The following MAP2 variants were observed in gnomAD, a reference collection of about 807,000 sequenced individuals.
The protein encoded by MAP2 is microtubule-associated protein 2.
In MAP2, 14 loss-of-function variants were observed where a neutral mutation model predicts 137.6. The observed-to-expected ratio is 0.10, with a 90% confidence interval of 0.07 to 0.16. The LOEUF (loss-of-function observed/expected upper bound fraction) is 0.16, where lower values mean the gene tolerates loss of function less well. MAP2 is among the 10% of genes least tolerant of loss of function. The pLI is 1.00. For synonymous variants in MAP2, 786 were observed against 782.3 expected, an observed-to-expected ratio of 1.00 and a Z score of -0.08; for missense variants, 2,088 against 2,191.5, an observed-to-expected ratio of 0.95 and a Z score of 0.94.
At chr2:209,556,024 C>CTTTTT (rs34673279) in intron 2 of MAP2, among the ~76,000 whole-genome samples, 6 of 134,192 alleles carry the variant, frequency 4.5e-5, no homozygotes, top group Non-Finnish European at 7.7e-5. Flanking sequence ...GGCATTCTTT[C>CTTTTT]TTTTTTTTTT....
At chr2:209,663,204 C>G (rs934152627) in intron 5 of MAP2, among the ~76,000 whole-genome samples, 2 of 152,132 alleles carry the variant, frequency 1.3e-5, no homozygotes, top group African/African-American at 2.4e-5. Context: ...TTCTCTTCCT[C>G]TCATTCCCTC....
At chr2:209,623,927 A>G (rs991407269) in intron 3 of MAP2, among the ~76,000 whole-genome samples, 1 of 152,164 alleles carries the variant, frequency 6.6e-6, no homozygotes, top group African/African-American at 2.4e-5. Flanking sequence ...TACTAATAGG[A>G]CTTGTTTGCT....
intron 1 of MAP2, among the ~76,000 whole-genome samples, chr2:209,493,983 T>C (rs1349073406): frequency 6.6e-6 from 1 of 152,124 alleles, no homozygotes; most frequent in Non-Finnish European, 1.5e-5. Flanking sequence ...CACATGCACT[T>C]GTATGTTTAT....
intron 2 of MAP2, among the ~76,000 whole-genome samples, chr2:209,560,162 G>A (rs557494511): frequency 6.6e-6 from 1 of 152,268 alleles, no homozygotes; most frequent in Admixed American, 6.5e-5. Flanking sequence ...ACAGATGAAA[G>A]GCTATGGATT....
intron 13 of MAP2, among the ~76,000 whole-genome samples, chr2:209,712,743 T>A (rs916447892): frequency 2.0e-5 from 3 of 151,768 alleles, no homozygotes; most frequent in African/African-American, 7.3e-5. Context: ...TGAGGAGAGG[T>A]TTTTTCCATA....
At chr2:209,562,984 G>T (rs1396847258) in intron 2 of MAP2, among the ~76,000 whole-genome samples, 1 of 152,118 alleles carries the variant, frequency 6.6e-6, no homozygotes, top group East Asian at 1.9e-4. Context: ...ATATTCCATT[G>T]CTTCCTGGGT....
In MAP2 at chr2:209,483,098, C is replaced by A. The variant is rs1007333280; in HGVS notation, c.-221-24494C>A. On this transcript the variant is annotated intron_variant, in intron 1 of 15. Transcript: ENST00000682079. Reference sequence around the variant, plus strand: ...CTAAATCTAGATTATTCATACAACACTAATGACTGTAAACATGATCTGAAA... The same window carrying A: ...CTAAATCTAGATTATTCATACAACAATAATGACTGTAAACATGATCTGAAA... Among the ~76,000 whole-genome samples, 6 of 152,226 alleles carry A rather than the reference C, an allele frequency of 3.9e-5. No homozygotes were observed. In the East Asian group the frequency reaches 1.2e-3, roughly 29 times the overall value.
Position 209,526,170 on chromosome 2 carries a change from G to A in MAP2, c.-172+18529G>A, listed in dbSNP as rs530027780. On this transcript the variant is annotated intron_variant, in intron 2 of 15. Coordinates refer to ENST00000682079, the MANE Select transcript of MAP2 (RefSeq NM_001375505.1). ...ATTCAGAAAGTATTTTCAACTAGCA[G>A]TGGATTAGCAATGCCTACTTTTTTC... 3.9e-5 allele frequency among the ~76,000 whole-genome samples: 6 copies of A among 152,274 alleles called. No individual in the cohort carries two copies. The South Asian group carries it at 1.2e-3, about 32-fold the overall frequency.
At chr2:209,664,494 G>A (rs144424518) in intron 5 of MAP2, among the ~76,000 whole-genome samples, 6 of 152,270 alleles carry the variant, frequency 3.9e-5, no homozygotes, top group African/African-American at 1.4e-4. Context: ...AGGTTACAGT[G>A]AGTCAGATCA....
intron 1 of MAP2, among the ~76,000 whole-genome samples, chr2:209,449,929 T>G (rs1699955987): frequency 6.6e-6 from 1 of 152,178 alleles, no homozygotes; most frequent in East Asian, 1.9e-4. Context: ...CTTTTTTATT[T>G]TCTTTTATTC....
At chr2:209,588,660 A>G (rs1447954627) in intron 3 of MAP2, among the ~76,000 whole-genome samples, 1 of 152,156 alleles carries the variant, frequency 6.6e-6, no homozygotes, top group African/African-American at 2.4e-5. Flanking sequence ...GTAAGATTTC[A>G]TGTTAACATA....
At chr2:209,478,296 C>T (rs1165760354) in intron 1 of MAP2, among the ~76,000 whole-genome samples, 1 of 152,200 alleles carries the variant, frequency 6.6e-6, no homozygotes, top group Non-Finnish European at 1.5e-5. Flanking sequence ...AAGTGACTCT[C>T]TGTGCCTGAT....
chr2:209,434,836 TATATATATATATG>T lies in MAP2; in HGVS notation c.-222+10561_-222+10573del, dbSNP rs1188595333. On this transcript the variant is annotated intron_variant, in intron 1 of 15. Transcript: ENST00000682079. The stretch of plus-strand genomic sequence containing the variant: ...GATCCTCTCTCTCTCTCTCTCTCTA[TATATATATATATG>T]TTATATATATATGTTATATATATGT... Among the ~76,000 whole-genome samples, 12 of 74,604 alleles carry T rather than the reference TATATATATATATG, an allele frequency of 1.6e-4. No individual in the cohort carries two copies. The East Asian group carries it at 3.3e-3, about 20-fold the overall frequency. The allele number at this position is 74,604 out of a possible 152,430, so 48.9% of individuals were successfully genotyped here. A position where few individuals can be genotyped will look rare whatever the true frequency, so the allele number is the denominator to read the frequency against.
chr2:209,538,648 T>A (rs1295618857), intron 2 of MAP2, among the ~76,000 whole-genome samples: 2 of 151,792 alleles, frequency 1.3e-5, no homozygotes, highest in Non-Finnish European at 2.9e-5. Flanking sequence ...TAGCGCCTGG[T>A]ACACTTTGGA....
chr2:209,614,231 A>G (rs1390806150), intron 3 of MAP2, among the ~76,000 whole-genome samples: 5 of 152,036 alleles, frequency 3.3e-5, no homozygotes, highest in Non-Finnish European at 7.4e-5. Context: ...ATACAACATA[A>G]TAATAGAACA....
At chr2:209,635,397 A>G (rs575063125) in intron 4 of MAP2, among the ~76,000 whole-genome samples, 2 of 152,316 alleles carry the variant, frequency 1.3e-5, no homozygotes, top group African/African-American at 2.4e-5. Context: ...TTAAGGAAAA[A>G]TGAAGAGTAA....
chr2:209,565,576 A>T (rs1313101423), intron 2 of MAP2, among the ~76,000 whole-genome samples: 16 of 152,164 alleles, frequency 1.1e-4, no homozygotes, highest in Non-Finnish European at 2.2e-4. Context: ...AACTATTTCC[A>T]TCCATGATTT....
chr2:209,629,621 A>G lies in MAP2; in HGVS notation c.-30+4492A>G, dbSNP rs981216553. Among the ~76,000 whole-genome samples, 8 of 152,312 alleles carry G rather than the reference A, an allele frequency of 5.3e-5. No individual in the cohort carries two copies. The East Asian group carries it at 1.3e-3, about 26-fold the overall frequency. Reference sequence around the variant, plus strand: ...ATTAAGCATTCTAAAAATAAATTCTATTGGTAAATTAGGATATCAGATGCT... The same window carrying G: ...ATTAAGCATTCTAAAAATAAATTCTGTTGGTAAATTAGGATATCAGATGCT... On this transcript the variant is annotated intron_variant, in intron 4 of 15. Transcript: ENST00000682079.
chr2:209,717,080 C>A (rs1048471724), intron 13 of MAP2, among the ~76,000 whole-genome samples: 6 of 152,058 alleles, frequency 3.9e-5, no homozygotes, highest in African/African-American at 1.4e-4. Flanking sequence ...TAAATATATT[C>A]TTATAAAGTT....
Sources: allele counts gnomAD v4.1 joint callset (sites outside exome capture counted in the v4.1 genomes callset), GRCh38; gene constraint gnomAD v4.1.1; transcripts MANE v1.5; gene names NCBI Gene and HGNC (gene_info 2026-07-23, HGNC 2026-07-21).